PCM1: variants seen among roughly 807,000 people sequenced by gnomAD.
PCM1 encodes the protein pericentriolar material 1 protein.
PCM1 carries 157 observed loss-of-function variants against 241.9 expected under a neutral mutation model. That is an observed-to-expected ratio of 0.65 (90% CI 0.57 to 0.74). The LOEUF is 0.74. Among genes scored for constraint, PCM1 ranks in the 30% least tolerant of loss-of-function variants. PCM1 has a pLI of 0.00. For synonymous variants in PCM1, 1,085 were observed against 784.9 expected, an observed-to-expected ratio of 1.38 and a Z score of -6.39; for missense variants, 3,478 against 2,360.1, an observed-to-expected ratio of 1.47 and a Z score of -9.81.
rs201823176 is a variant in PCM1 at position 17,939,886 on chromosome 8, CAT to C, written c.783+28_783+29del. 3,538 of 1,338,358 alleles carry C rather than the reference CAT, an allele frequency of 2.6e-3. 65 individuals are homozygous for C. In the African/African-American group the frequency reaches 0.044, roughly 17 times the overall value. 82.9% of individuals were successfully genotyped at this position (1,338,358 alleles called of 1,614,324 possible). A position where few individuals can be genotyped will look rare whatever the true frequency, so the allele number is the denominator to read the frequency against. On this transcript the variant is annotated intron_variant, in intron 6 of 38. Coordinates refer to ENST00000325083, the MANE Select transcript of PCM1 (RefSeq NM_006197.4). ...TGTAAGTATTCGACTTTTAAAATAA[CAT>C]ATTATTTTTGTAGTATCTCAGTGTG...
chr8:18,026,163 CTGAAACAAAAAAAAAAAAAAAA>C (rs1353478677), intron 38 of PCM1, among the ~76,000 whole-genome samples: 3 of 53,676 alleles, frequency 5.6e-5, no homozygotes, highest in African/African-American at 2.3e-4. Context: ...GACTCCCTCT[CTGAAACAAAAAAAAAAAAAAAA>C]AAAAAAAAAA....
chr8:18,021,492 C>T (rs1158374065), intron 36 of PCM1, among the ~76,000 whole-genome samples: 1 of 152,172 alleles, frequency 6.6e-6, no homozygotes, highest in East Asian at 1.9e-4. Context: ...GGGACTTACC[C>T]TTATAGAAAG....
chr8:17,990,631 C>A (rs908324662), intron 27 of PCM1, among the ~76,000 whole-genome samples: 4 of 151,964 alleles, frequency 2.6e-5, no homozygotes, highest in Non-Finnish European at 5.9e-5. Flanking sequence ...TGATACGTTT[C>A]TAGACTGTGG....
Position 17,972,452 on chromosome 8 carries a change from A to C in PCM1, c.3708A>C (p.Thr1236=). The C allele has an allele frequency of 1.9e-6, 3 of 1,613,432 alleles. No homozygotes were observed. The highest frequency in any genetic ancestry group is 2.5e-6 in the Non-Finnish European group (3 of 1,179,650). ...TGFSVSVEKS[T]SSNRKNQLDT... ...TTTCAGTGTCTGTAGAAAAATCTAC[A>C]AGTAGTAACCGCAAAAATCAATTAG... is the stretch of plus-strand genomic sequence containing the variant. The change falls in exon 23 of 39, where the codon ACA becomes ACC. Residue 1236 remains threonine (T), a synonymous_variant. Coordinates refer to ENST00000325083, the MANE Select transcript of PCM1 (RefSeq NM_006197.4).
At chr8:18,019,375 T>C (rs2093578602) in intron 36 of PCM1, among the ~76,000 whole-genome samples, 1 of 152,216 alleles carries the variant, frequency 6.6e-6, no homozygotes, top group South Asian at 2.1e-4. Context: ...GAAGACAATT[T>C]TTCCATGGAC....
chr8:17,983,278 A>G (rs908353374), intron 24 of PCM1: 20 of 1,324,126 alleles, frequency 1.5e-5, no homozygotes, highest in East Asian at 1.2e-4. Flanking sequence ...AATGCATGCA[A>G]TGAAGCGCCA....
chr8:18,001,046 C>G lies in PCM1; in HGVS notation c.4828-5217C>G, dbSNP rs1484883691. ...GTAGATTATAGCATATAGCTGCTGC[C>G]TAAAGCCAGGGCATTTGATTTGAGA... On this transcript the variant is annotated intron_variant, in intron 29 of 38. Transcript: ENST00000325083. Among the ~76,000 whole-genome samples, 3 of 152,180 alleles carry G rather than the reference C, an allele frequency of 2.0e-5. No homozygotes were observed. In the East Asian group the frequency reaches 5.8e-4, roughly 29 times the overall value.
chr8:17,976,795 G>A (rs959427510), intron 23 of PCM1, among the ~76,000 whole-genome samples: 1 of 151,618 alleles, frequency 6.6e-6, no homozygotes, highest in Non-Finnish European at 1.5e-5. Context: ...TCTCTCATCA[G>A]TCACACATTA....
chr8:17,955,364 G>A, intron 9 of PCM1, 106 bp from the exon 10 acceptor site: 1 of 698,980 alleles, frequency 1.4e-6, no homozygotes, highest in South Asian at 2.3e-5. Flanking sequence ...CAGAAATTAA[G>A]TTGTTAATTT....
intron 17 of PCM1, 45 bp downstream of exon 17, chr8:17,963,336 G>A (rs376241348): frequency 3.0e-5 from 44 of 1,452,128 alleles, no homozygotes; most frequent in Admixed American, 4.4e-5. Flanking sequence ...GTCACCTGCC[G>A]AAGATTGACC....
chr8:17,931,757 C>A (rs928410365), intron 2 of PCM1, among the ~76,000 whole-genome samples: 2 of 151,990 alleles, frequency 1.3e-5, no homozygotes, highest in Non-Finnish European at 2.9e-5. Flanking sequence ...TTTTATTCTT[C>A]AGTATTACAA....
intron 31 of PCM1, 69 bp from the exon 32 acceptor site, chr8:18,010,540 G>GACATGAGAAATGCTAAATTATGTATCTAA: frequency 8.6e-7 from 1 of 1,165,828 alleles, no homozygotes; most frequent in Non-Finnish European, 1.2e-6. Context: ...GGGAGGCTGA[G>GACATGAGAAATGCTAAATTATGTATCTAA]ACATGAGAAA....
intron 34 of PCM1, among the ~76,000 whole-genome samples, chr8:18,012,967 G>T (rs1161315210): frequency 6.6e-6 from 1 of 152,052 alleles, no homozygotes; most frequent in Non-Finnish European, 1.5e-5. Flanking sequence ...TCAAATGTCT[G>T]CTGAACCTTG....
At chr8:18,020,917 A>C (rs543861198) in intron 36 of PCM1, among the ~76,000 whole-genome samples, 2 of 152,194 alleles carry the variant, frequency 1.3e-5, no homozygotes, top group African/African-American at 2.4e-5. Context: ...TCTTTCAGCT[A>C]TTCTGCTGCC....
chr8:17,985,727 T>A, intron 25 of PCM1, 108 bp downstream of exon 25: 1 of 892,148 alleles, frequency 1.1e-6, no homozygotes, highest in South Asian at 1.7e-5. Flanking sequence ...TTTCATCTGT[T>A]CTCTATGTGC....
At chr8:17,932,660 T>A (rs1349562162) in intron 2 of PCM1, among the ~76,000 whole-genome samples, 1 of 152,112 alleles carries the variant, frequency 6.6e-6, no homozygotes, top group Non-Finnish European at 1.5e-5. Context: ...CATTTACTAT[T>A]CTCAGCACAC....
At position 18,006,247 on chromosome 8, in the gene PCM1, C is replaced by CT; in HGVS notation, c.4828-15dup. The CT allele has an allele frequency of 1.9e-6, 3 of 1,583,416 alleles. No homozygotes were observed. Among genetic ancestry groups the CT allele is most frequent in the Non-Finnish European group, 2.6e-6 (3 of 1,162,192 alleles). On this transcript the variant is annotated splice_polypyrimidine_tract_variant and intron_variant, in intron 29 of 38. Transcript: ENST00000325083. The stretch of plus-strand genomic sequence containing the variant: ...ATAGGTAAGTTTATATTCTAACCAA[C>CT]TAGGATTTTTCTCAGGAGCACATGG...
At chr8:17,954,627 G>C (rs2067350281) in intron 9 of PCM1, among the ~76,000 whole-genome samples, 1 of 152,072 alleles carries the variant, frequency 6.6e-6, no homozygotes, top group Admixed American at 6.5e-5. Context: ...GAGACTGCTG[G>C]AAACCACCTA....
At position 17,963,183 on chromosome 8, in the gene PCM1, A is replaced by C. The variant is rs371773094; in HGVS notation, c.2546A>C (p.Glu849Ala). Residue 849 changes from glutamate to alanine, a missense_variant, in exon 17 of 39, where the codon GAA becomes GCA. Glu to Ala is a moderately radical substitution (Grantham distance 107, BLOSUM62 -1). Transcript: ENST00000325083. ...AAGCAGCTTGAAGCTCTGATGGCTG[A>C]ACATCAGAGGAGGCAAGGTCTAGCT... ...RRKQLEALMA[E>A]HQRRQGLAET... The C allele has an allele frequency of 1.2e-6, 2 of 1,612,162 alleles. No individual in the cohort carries two copies. The highest frequency in any genetic ancestry group is 8.5e-7 in the Non-Finnish European group (1 of 1,178,250).
Sources: gnomAD v4.1 joint callset for allele counts (sites outside exome capture counted in the v4.1 genomes callset) on GRCh38, gnomAD v4.1.1 for gene constraint, MANE v1.5 for transcripts, NCBI Gene and HGNC (gene_info 2026-07-23, HGNC 2026-07-21) for gene names.